Variants in SEPTIN11 observed in about 807,000 individuals in gnomAD.
The protein encoded by SEPTIN11 is septin-11.
Under a neutral mutation model 51.4 loss-of-function variants are expected in SEPTIN11, and 25 were observed. The observed-to-expected ratio is 0.49, with a 90% CI of 0.35 to 0.68. The LOEUF is 0.68. Ranked by LOEUF, SEPTIN11 falls within the 30% of genes least tolerant of loss-of-function variation. SEPTIN11 has a pLI of 0.00. For synonymous variants in SEPTIN11, 174 were observed against 184.1 expected, an observed-to-expected ratio of 0.95 and a Z score of 0.44; for missense variants, 381 against 520.8, an observed-to-expected ratio of 0.73 and a Z score of 2.61.
chr4:76,977,424 G>C (rs1722553820), intron 1 of SEPTIN11, among the ~76,000 whole-genome samples: 2 of 152,140 alleles, frequency 1.3e-5, no homozygotes, highest in African/African-American at 4.8e-5. Context: ...CTTCAGAAAT[G>C]GGGGTCTAAG....
At chr4:76,978,987 A>T (rs1560705584) in intron 1 of SEPTIN11, among the ~76,000 whole-genome samples, 1 of 152,170 alleles carries the variant, frequency 6.6e-6, no homozygotes, top group Non-Finnish European at 1.5e-5. Flanking sequence ...CCTCCCATGA[A>T]TTCTCTATCA....
downstream of SEPTIN11, chr4:77,038,993 T>G: frequency 1.1e-6 from 1 of 950,552 alleles, no homozygotes; most frequent in Non-Finnish European, 1.5e-6. Flanking sequence ...TCACAGCTTG[T>G]TGTAGAGAAG....
rs1726568537 is a variant in SEPTIN11, at chr4:77,030,787, A to G, written c.1091A>G (p.His364Arg). The stretch of plus-strand genomic sequence containing the variant: ...CTGTTTTCTTTTTCTCTCCAGCTTC[A>G]CGAGAAGTTTGACCTTCTAAAGCGG... ...AELKEAEKEL[H>R]EKFDLLKRTH... The change falls in exon 9 of 10, where the codon CAC becomes CGC. Residue 364 changes from histidine to arginine, a missense_variant. Transcript: ENST00000264893. 6.3e-7 allele frequency: 1 copy of G among 1,584,600 alleles called. No homozygotes were observed. The highest frequency in any genetic ancestry group is 2.0e-5 in the Admixed American group (1 of 48,826).
intron 1 of SEPTIN11, among the ~76,000 whole-genome samples, chr4:76,990,141 C>T (rs1723283222): frequency 6.6e-6 from 1 of 152,122 alleles, no homozygotes; most frequent in South Asian, 2.1e-4. Flanking sequence ...ATCAGAGTGC[C>T]CTTTTTTCAA....
chr4:77,019,197 C>A lies in SEPTIN11; in HGVS notation c.720C>A (p.Thr240=). The A allele has an allele frequency of 6.2e-7, 1 of 1,613,548 alleles. No homozygotes were observed. The highest frequency in any genetic ancestry group is 1.7e-4 in the Middle Eastern group (1 of 6,060). ...VHLPFAVVGS[T]EEVKIGNKMA... is the part of the protein sequence containing the mutation. ...TCCCATTTGCAGTGGTTGGCAGCAC[C>A]GAAGAGGTGAAGATTGGCAACAAGA... Residue 240 remains threonine, a synonymous_variant, in exon 6 of 10, where the codon ACC becomes ACA. Transcript: ENST00000264893.
At chr4:76,955,585 C>T (rs1721526138) in intron 1 of SEPTIN11, among the ~76,000 whole-genome samples, 1 of 152,200 alleles carries the variant, frequency 6.6e-6, no homozygotes, top group South Asian at 2.1e-4. Flanking sequence ...ATTCCATCCA[C>T]CCTTTGCCCA....
chr4:77,002,611 C>G (rs921027606), intron 2 of SEPTIN11, among the ~76,000 whole-genome samples: 1 of 152,194 alleles, frequency 6.6e-6, no homozygotes, highest in Non-Finnish European at 1.5e-5. Flanking sequence ...TCGGTATTGA[C>G]TAGCAGTGAG....
intron 1 of SEPTIN11, among the ~76,000 whole-genome samples, chr4:76,950,777 C>G (rs1363380123): frequency 6.6e-6 from 1 of 152,128 alleles, no homozygotes; most frequent in Non-Finnish European, 1.5e-5. Flanking sequence ...AGCGGGACTC[C>G]GAGGGTGCGG....
chr4:77,013,408 G>A (rs1283921143), intron 4 of SEPTIN11, among the ~76,000 whole-genome samples: 1 of 151,946 alleles, frequency 6.6e-6, no homozygotes, highest in Non-Finnish European at 1.5e-5. Context: ...CGGCTAGTGA[G>A]GAAAAAGAGG....
intron 1 of SEPTIN11, among the ~76,000 whole-genome samples, chr4:76,983,450 C>T (rs1399401331): frequency 1.3e-5 from 2 of 152,148 alleles, no homozygotes; most frequent in East Asian, 1.9e-4. Context: ...GGGTATTTCC[C>T]CAGAGCCTTG....
intron 1 of SEPTIN11, among the ~76,000 whole-genome samples, chr4:76,993,546 C>G (rs1355985917): frequency 6.6e-6 from 1 of 152,140 alleles, no homozygotes; most frequent in Non-Finnish European, 1.5e-5. Flanking sequence ...GCTGGAGGCA[C>G]TGGGTAAGGT....
intron 9 of SEPTIN11, among the ~76,000 whole-genome samples, chr4:77,032,391 G>T (rs1726715946): frequency 6.6e-6 from 1 of 152,216 alleles, no homozygotes; most frequent in South Asian, 2.1e-4. Flanking sequence ...TATAATCTAA[G>T]AAAACCCTTT....
At chr4:77,034,392 A>G (rs1726887358) in intron 9 of SEPTIN11, 105 bp from the exon 10 acceptor site, 2 of 995,702 alleles carry the variant, frequency 2.0e-6, no homozygotes, top group Non-Finnish European at 2.8e-6. Flanking sequence ...TAATCATTGC[A>G]TGAGCATTCA....
chr4:77,003,287 T>C (rs1254212422), intron 2 of SEPTIN11, among the ~76,000 whole-genome samples: 1 of 152,222 alleles, frequency 6.6e-6, no homozygotes. Flanking sequence ...TGGTTGTCTG[T>C]GGCCAACTAG....
rs1185764173 is a variant in SEPTIN11, at chr4:76,979,778, G to T, written c.28-16647G>T. Among the ~76,000 whole-genome samples the T allele has an allele frequency of 3.3e-5, 5 of 151,914 alleles. No homozygotes were observed. In the East Asian group the frequency reaches 9.7e-4, roughly 29 times the overall value. ...TGGGCGCCTGTAATCCCAGCTAGTT[G>T]GGATGCTGAGGCTGGAGAATTGCTT... is the stretch of plus-strand genomic sequence containing the variant. On this transcript the variant is annotated intron_variant, in intron 1 of 9. Coordinates refer to ENST00000264893, the MANE Select transcript of SEPTIN11 (RefSeq NM_018243.4).
Position 77,034,807 on chromosome 4 carries a change from C to T in SEPTIN11, c.*295C>T, listed in dbSNP as rs17002346. 0.029 allele frequency: 32,063 copies of T among 1,098,612 alleles called. 574 individuals are homozygous for T. Among genetic ancestry groups the T allele is most frequent in the East Asian group, 0.088 (1,630 of 18,546 alleles). 68.1% of individuals were successfully genotyped at this position (1,098,612 alleles called of 1,614,324 possible). On this transcript the variant is annotated 3_prime_UTR_variant, in exon 10 of 10. Coordinates refer to ENST00000264893, the MANE Select transcript of SEPTIN11 (RefSeq NM_018243.4). The stretch of plus-strand genomic sequence containing the variant: ...CGAAGCAGGCCTGTTACTTGTATGT[C>T]GCTTTGGACAGAGGAAAGTGGGGTA...
In SEPTIN11 at chr4:77,035,359, AC is replaced by A; in HGVS notation, c.*849del. ...ACAGTAAGGAATCTTTCATAAACAC[AC>A]CTCAGTTTGTTCCCAGTGGGCTTAG... On this transcript the variant is annotated 3_prime_UTR_variant, in exon 10 of 10. Transcript: ENST00000264893. The A allele has an allele frequency of 1.0e-6, 1 of 985,372 alleles. No homozygotes were observed. Among genetic ancestry groups the A allele is most frequent in the Non-Finnish European group, 1.2e-6 (1 of 829,914 alleles). The allele number at this position is 985,372 out of a possible 1,614,324, so 61.0% of individuals were successfully genotyped here.
At chr4:76,982,434 C>A (rs574209567) in intron 1 of SEPTIN11, among the ~76,000 whole-genome samples, 49 of 152,270 alleles carry the variant, frequency 3.2e-4, no homozygotes, top group African/African-American at 1.1e-3. Flanking sequence ...TGGTGTCAAA[C>A]TCCTGGCCTC....
intron 7 of SEPTIN11, among the ~76,000 whole-genome samples, chr4:77,028,213 T>C (rs1726320771): frequency 6.6e-6 from 1 of 152,228 alleles, no homozygotes; most frequent in South Asian, 2.1e-4. Context: ...TGTGCTTTTC[T>C]AAGAACAGCC....
Sources: gnomAD v4.1 joint callset for allele counts (sites outside exome capture counted in the v4.1 genomes callset) on GRCh38, gnomAD v4.1.1 for gene constraint, MANE v1.5 for transcripts, NCBI Gene and HGNC (gene_info 2026-07-23, HGNC 2026-07-21) for gene names.